Variants in ANKMY2 observed in about 807,000 individuals in gnomAD.
ANKMY2 encodes ankyrin repeat and MYND domain-containing protein 2.
In ANKMY2, 36 loss-of-function variants were observed where a neutral mutation model predicts 50.4. The ratio of observed to expected loss-of-function variants is 0.71; its 90% CI spans 0.55 to 0.94. ANKMY2 has a LOEUF of 0.94. ANKMY2 is among the 40% of genes least tolerant of loss of function. The probability of loss-of-function intolerance (pLI) is 0.00; values close to 1 mark genes in which losing one functional copy is unlikely to be tolerated. For missense variants in ANKMY2, 565 were observed against 524.0 expected, an observed-to-expected ratio of 1.08 and a Z score of -0.76; for synonymous variants, 187 against 178.8, an observed-to-expected ratio of 1.05 and a Z score of -0.36.
At chr7:16,637,614 T>C (rs1781684070) in intron 1 of ANKMY2, among the ~76,000 whole-genome samples, 1 of 152,198 alleles carries the variant, frequency 6.6e-6, no homozygotes, top group African/African-American at 2.4e-5. Context: ...ACTGGCTGAA[T>C]CGCTATGCAA....
chr7:16,645,380 C>T, intron 1 of ANKMY2, 127 bp downstream of exon 1: 1 of 921,176 alleles, frequency 1.1e-6, no homozygotes, highest in Non-Finnish European at 1.6e-6. Context: ...AACGCTCTTT[C>T]CCGGTTCCAG....
At chr7:16,625,256 G>A (rs1781493240) in intron 3 of ANKMY2, among the ~76,000 whole-genome samples, 175 bp from the exon 4 acceptor site, 1 of 152,100 alleles carries the variant, frequency 6.6e-6, no homozygotes, top group Non-Finnish European at 1.5e-5. Flanking sequence ...AAATGCTATA[G>A]AACCTTAGAA....
chr7:16,611,845 C>T (rs959697934), intron 5 of ANKMY2, among the ~76,000 whole-genome samples: 1 of 152,188 alleles, frequency 6.6e-6, no homozygotes, highest in Non-Finnish European at 1.5e-5. Context: ...TACATACTCA[C>T]AAACCAATCA....
At chr7:16,638,951 C>T (rs878914345) in intron 1 of ANKMY2, among the ~76,000 whole-genome samples, 1 of 152,178 alleles carries the variant, frequency 6.6e-6, no homozygotes, top group Non-Finnish European at 1.5e-5. Context: ...TTATATCCTA[C>T]ATGTACACGT....
rs139970027 is a variant in ANKMY2, at chr7:16,638,787, T to C, written c.68-2332A>G. Among the ~76,000 whole-genome samples, 1,344 of 152,218 alleles carry C rather than the reference T, an allele frequency of 8.8e-3. 25 individuals carry two copies. Among genetic ancestry groups the C allele is most frequent in the African/African-American group, 0.03 (1,255 of 41,526 alleles). ...AAGACATTTCTAACGCCCAGGAAAT[T>C]CCAAGGGATTAGAAACTCTGTGTCA... On this transcript the variant is annotated intron_variant, in intron 1 of 9. Coordinates refer to ENST00000306999, the MANE Select transcript of ANKMY2 (RefSeq NM_020319.3).
intron 5 of ANKMY2, among the ~76,000 whole-genome samples, chr7:16,614,965 T>G (rs372104585): frequency 2.0e-5 from 3 of 152,222 alleles, no homozygotes; most frequent in African/African-American, 7.2e-5. Context: ...TGGATTTTTT[T>G]GAAAAAATTA....
At position 16,600,883 on chromosome 7, in the gene ANKMY2, T is replaced by C; in HGVS notation, c.1204A>G (p.Ile402Val). 1 of 1,612,796 alleles carries C rather than the reference T, an allele frequency of 6.2e-7. No individual in the cohort carries two copies. The highest frequency in any genetic ancestry group is 8.5e-7 in the Non-Finnish European group (1 of 1,179,366). The change falls in exon 10 of 10, where the codon ATC (isoleucine) becomes GTC (valine). Residue 402 changes from isoleucine to valine, a missense_variant. By Grantham distance (29) the Ile-to-Val change is conservative. Coordinates refer to ENST00000306999, the MANE Select transcript of ANKMY2 (RefSeq NM_020319.3). Reference sequence around the variant, plus strand: ...TCAGGATTGGAATCCTTTTGAGAGATACCTACTTCAGCCTCTGGTTGCTCT... The same window carrying C: ...TCAGGATTGGAATCCTTTTGAGAGACACCTACTTCAGCCTCTGGTTGCTCT... ...NEEQPEAEVGISQKDSNPEDS... is the reference protein window; with the variant it reads ...NEEQPEAEVGVSQKDSNPEDS...
intron 4 of ANKMY2, among the ~76,000 whole-genome samples, chr7:16,621,311 TC>T (rs762421466): frequency 8.5e-5 from 13 of 152,048 alleles, no homozygotes; most frequent in Non-Finnish European, 1.8e-4. Flanking sequence ...CAAAAGTCAG[TC>T]CCCTCCCCTA....
chr7:16,606,132 C>T (rs1781157159), intron 7 of ANKMY2, among the ~76,000 whole-genome samples: 1 of 148,496 alleles, frequency 6.7e-6, no homozygotes, highest in African/African-American at 2.5e-5. Flanking sequence ...ACTTTTTTTA[C>T]AAAGAAAATT....
intron 5 of ANKMY2, among the ~76,000 whole-genome samples, chr7:16,614,574 T>C (rs1428804887): frequency 6.6e-6 from 1 of 152,232 alleles, no homozygotes; most frequent in Non-Finnish European, 1.5e-5. Context: ...TGCACAGGGA[T>C]GCATCAACAA....
intron 1 of ANKMY2, among the ~76,000 whole-genome samples, chr7:16,641,481 A>G (rs992766813): frequency 6.6e-6 from 1 of 152,222 alleles, no homozygotes; most frequent in Non-Finnish European, 1.5e-5. Context: ...CCAGCCATCC[A>G]ACTAATGGTA....
intron 1 of ANKMY2, among the ~76,000 whole-genome samples, chr7:16,642,966 C>G (rs971411938): frequency 2.0e-5 from 3 of 152,178 alleles, no homozygotes; most frequent in Admixed American, 6.5e-5. Context: ...CTGCCACTTT[C>G]TGCCACTTAC....
At chr7:16,637,406 A>G (rs868132126) in intron 1 of ANKMY2, among the ~76,000 whole-genome samples, 3 of 152,284 alleles carry the variant, frequency 2.0e-5, no homozygotes, top group Middle Eastern at 3.4e-3. Context: ...TTTCTCTCTG[A>G]CCCACTTCTT....
chr7:16,615,648 C>A (rs1455572421), intron 5 of ANKMY2, 96 bp downstream of exon 5: 1 of 1,508,168 alleles, frequency 6.6e-7, no homozygotes, highest in African/African-American at 1.4e-5. Context: ...AACTACAAAA[C>A]CCACCCCAAG....
At chr7:16,630,886 G>A (rs1028989196) in intron 2 of ANKMY2, among the ~76,000 whole-genome samples, 2 of 152,206 alleles carry the variant, frequency 1.3e-5, no homozygotes, top group Non-Finnish European at 2.9e-5. Flanking sequence ...CAGGAAGGAT[G>A]CTCCAGGGAA....
chr7:16,606,383 C>T (rs374450714), intron 7 of ANKMY2, among the ~76,000 whole-genome samples: 1 of 151,248 alleles, frequency 6.6e-6, no homozygotes, highest in Admixed American at 6.6e-5. Flanking sequence ...AAGCCGAGAT[C>T]GTGTCACTAC....
At chr7:16,627,320 C>A (rs1781520383) in intron 2 of ANKMY2, 142 bp from the exon 3 acceptor site, 1 of 526,132 alleles carries the variant, frequency 1.9e-6, no homozygotes, top group Non-Finnish European at 3.1e-6. Context: ...TATTTGCTTC[C>A]ACACTTTGAT....
At chr7:16,645,299 C>T (rs1463862472) in intron 1 of ANKMY2, among the ~76,000 whole-genome samples, 1 of 152,174 alleles carries the variant, frequency 6.6e-6, no homozygotes, top group African/African-American at 2.4e-5. Flanking sequence ...TGTAACTACC[C>T]CTCTTGTCCC....
At chr7:16,613,103 C>T (rs1288221715) in intron 5 of ANKMY2, among the ~76,000 whole-genome samples, 2 of 152,152 alleles carry the variant, frequency 1.3e-5, no homozygotes, top group African/African-American at 4.8e-5. Context: ...CCCTGCTCTG[C>T]TGACATTTTT....
Sources: gnomAD v4.1 joint callset for allele counts (sites outside exome capture counted in the v4.1 genomes callset) on GRCh38, gnomAD v4.1.1 for gene constraint, MANE v1.5 for transcripts, NCBI Gene and HGNC (gene_info 2026-07-23, HGNC 2026-07-21) for gene names.